The following SEPTIN9 variants were observed in gnomAD, a reference collection of about 807,000 sequenced individuals.
The protein encoded by SEPTIN9 is septin 9, also known as septin-9.
Under a neutral mutation model 56.6 loss-of-function variants are expected in SEPTIN9, and 13 were observed. That is an observed-to-expected ratio of 0.23 (90% CI 0.15 to 0.37). SEPTIN9 has a LOEUF of 0.37. Ranked by LOEUF, SEPTIN9 falls within the 10% of genes least tolerant of loss-of-function variation. The pLI is 1.00. For missense variants in SEPTIN9, 650 were observed against 823.1 expected (o/e 0.79, Z 2.57); for synonymous variants, 332 against 334.1 (o/e 0.99, Z 0.07).
intron 2 of SEPTIN9, among the ~76,000 whole-genome samples, chr17:77,346,220 G>A (rs966139186): frequency 6.8e-6 from 1 of 147,556 alleles, no homozygotes; most frequent in African/African-American, 2.5e-5. Context: ...GGGATTACAG[G>A]CGTGAGCTAC....
At chr17:77,403,662 T>C (rs1209973338) in intron 3 of SEPTIN9, among the ~76,000 whole-genome samples, 1 of 152,230 alleles carries the variant, frequency 6.6e-6, no homozygotes, top group African/African-American at 2.4e-5. Flanking sequence ...GGTCTGATTC[T>C]GGGCACAGGA....
At position 77,434,311 on chromosome 17, in the gene SEPTIN9, G is replaced by T. The variant is rs373812919; in HGVS notation, c.721+31608G>T. Among the ~76,000 whole-genome samples the T allele has an allele frequency of 6.6e-6, 1 of 152,170 alleles. No individual in the cohort carries two copies. Among genetic ancestry groups the T allele is most frequent in the Non-Finnish European group, 1.5e-5 (1 of 68,014 alleles). On this transcript the variant is annotated intron_variant, in intron 3 of 11. Coordinates refer to ENST00000427177, the MANE Select transcript of SEPTIN9 (RefSeq NM_001113491.2). This position sits in a 1 kb window ranked among gnomAD's most constrained non-coding sequence, Gnocchi z 5.0. ...GTGCCTCCGTTCACCCTGTCCACCC[G>T]CAGGGCCTGCAGGAGCATCCTGAGA...
chr17:77,408,056 G>A (rs1211688807), intron 3 of SEPTIN9, among the ~76,000 whole-genome samples: 1 of 151,920 alleles, frequency 6.6e-6, no homozygotes, highest in Non-Finnish European at 1.5e-5. Flanking sequence ...GGTGCTCAGC[G>A]CTCGTTCATG....
chr17:77,458,809 G>A (rs1381640692), intron 3 of SEPTIN9, among the ~76,000 whole-genome samples: 2 of 152,214 alleles, frequency 1.3e-5, no homozygotes, highest in Non-Finnish European at 2.9e-5. Flanking sequence ...CTAAGATGGA[G>A]TGTCCCAGGA....
chr17:77,397,401 A>G (rs1181411048), intron 2 of SEPTIN9, among the ~76,000 whole-genome samples: 1 of 152,158 alleles, frequency 6.6e-6, no homozygotes, highest in East Asian at 1.9e-4. Context: ...TTTAGAGCCC[A>G]TCCCAAATCC....
At chr17:77,348,896 T>A (rs187324343) in intron 2 of SEPTIN9, among the ~76,000 whole-genome samples, 2 of 152,288 alleles carry the variant, frequency 1.3e-5, no homozygotes, top group African/African-American at 4.8e-5. Context: ...TAAAACAGAA[T>A]CTTTTCTATT....
chr17:77,466,483 T>TGAGCGA, intron 3 of SEPTIN9: 1 of 985,396 alleles, frequency 1.0e-6, no homozygotes, highest in African/African-American at 1.7e-5. Flanking sequence ...TGCGTGAGCG[T>TGAGCGA]GAGCGAGCCA....
chr17:77,481,842 A>T (rs756311852), intron 3 of SEPTIN9: 2 of 443,628 alleles, frequency 4.5e-6, no homozygotes, highest in African/African-American at 2.0e-5. Context: ...CTTGGAGCGC[A>T]GGGGGCCCCC....
chr17:77,392,568 TG>T (rs1394261813), intron 2 of SEPTIN9, among the ~76,000 whole-genome samples: 1 of 151,884 alleles, frequency 6.6e-6, no homozygotes, highest in Non-Finnish European at 1.5e-5. Context: ...TCCTGCGGAC[TG>T]GGCCGGCACT....
chr17:77,364,417 G>T (rs1598257967), intron 2 of SEPTIN9, among the ~76,000 whole-genome samples: 1 of 152,388 alleles, frequency 6.6e-6, no homozygotes, highest in East Asian at 1.9e-4. Context: ...GTCTGGAACG[G>T]AGTGGAAGCG....
chr17:77,422,737 C>A (rs1424179266), intron 3 of SEPTIN9, among the ~76,000 whole-genome samples: 1 of 152,178 alleles, frequency 6.6e-6, no homozygotes, highest in African/African-American at 2.4e-5. Flanking sequence ...TCTGTTCTGC[C>A]CCCTGGCTCT....
chr17:77,357,365 G>A (rs1339969439), intron 2 of SEPTIN9, among the ~76,000 whole-genome samples: 1 of 123,000 alleles, frequency 8.1e-6, no homozygotes, highest in African/African-American at 3.0e-5. Flanking sequence ...CCTCCATTCT[G>A]TTGTGAAAAT....
At chr17:77,350,896 GA>G (rs1163506243) in intron 2 of SEPTIN9, among the ~76,000 whole-genome samples, 3 of 152,066 alleles carry the variant, frequency 2.0e-5, no homozygotes, top group Non-Finnish European at 4.4e-5. Context: ...GAAGCCTGAG[GA>G]CCCTGCAGAG....
At chr17:77,347,376 C>T (rs2033923577) in intron 2 of SEPTIN9, among the ~76,000 whole-genome samples, 1 of 144,808 alleles carries the variant, frequency 6.9e-6, no homozygotes, top group Non-Finnish European at 1.5e-5. Context: ...GAAACTCCGT[C>T]TCAAAAAAAA....
rs2032755084 is a variant in SEPTIN9, at chr17:77,317,532, A to T, written c.76+10335A>T. On this transcript the variant is annotated intron_variant, in intron 2 of 11. Transcript: ENST00000427177. The surrounding 1 kb of genome is among the most constrained non-coding windows in gnomAD (Gnocchi z 4.2). ...GTTGCGTGCTTCTTATGAGAATCTG[A>T]TGCCTGATGATCTGTCACCGTCTCC... 6.6e-6 allele frequency among the ~76,000 whole-genome samples: 1 copy of T among 152,134 alleles called. No homozygotes were observed. Among genetic ancestry groups the T allele is most frequent in the African/African-American group, 2.4e-5 (1 of 41,426 alleles).
intron 3 of SEPTIN9, among the ~76,000 whole-genome samples, chr17:77,416,508 G>T (rs1882186569): frequency 6.6e-6 from 1 of 152,250 alleles, no homozygotes; most frequent in South Asian, 2.1e-4. Context: ...GCCGGCAGCA[G>T]GCAGGGAGAG....
In SEPTIN9 at chr17:77,459,097, G is replaced by T. The variant is rs77871505; in HGVS notation, c.722-23047G>T. 6.4e-3 allele frequency among the ~76,000 whole-genome samples: 982 copies of T among 152,324 alleles called. 12 individuals carry two copies. Among genetic ancestry groups the T allele is most frequent in the South Asian group, 0.031 (151 of 4,830 alleles). On this transcript the variant is annotated intron_variant, in intron 3 of 11. Transcript: ENST00000427177. ...CACGTGGCACCACCAGCCCTGCTGA[G>T]CCTGCACCTGCTCCTCAGGCCCCCT...
At chr17:77,353,052 T>C (rs1219990609) in intron 2 of SEPTIN9, among the ~76,000 whole-genome samples, 1 of 152,208 alleles carries the variant, frequency 6.6e-6, no homozygotes, top group Non-Finnish European at 1.5e-5. Flanking sequence ...TATGTCCATA[T>C]AAAGTCACAT....
At chr17:77,484,768 G>A (rs1482833619) in intron 4 of SEPTIN9, among the ~76,000 whole-genome samples, 1 of 106,564 alleles carries the variant, frequency 9.4e-6, no homozygotes, top group African/African-American at 4.6e-5. Flanking sequence ...TGGTGATGTG[G>A]GTGGTGGTGG....
Sources: gnomAD v4.1 joint callset for allele counts (sites outside exome capture counted in the v4.1 genomes callset) on GRCh38, gnomAD v4.1.1 for gene constraint, Gnocchi (gnomAD v3.1) non-coding constraint, MANE v1.5 for transcripts, NCBI Gene and HGNC (gene_info 2026-07-23, HGNC 2026-07-21) for gene names.